Variants in USP45 observed in about 807,000 individuals in gnomAD.
USP45 encodes the protein ubiquitin carboxyl-terminal hydrolase 45.
USP45 carries 89 observed loss-of-function variants against 95.8 expected under a neutral mutation model. The ratio of observed to expected loss-of-function variants is 0.93; its 90% CI spans 0.78 to 1.11. USP45 has a LOEUF of 1.11. Among genes scored for constraint, USP45 ranks in the 50% least tolerant of loss-of-function variants. The pLI is 0.00. For synonymous variants in USP45, 281 were observed against 316.2 expected (o/e 0.89, Z 1.18); for missense variants, 898 against 942.5 (o/e 0.95, Z 0.62).
At chr6:99,445,745 T>A in intron 14 of USP45, 52 bp downstream of exon 14, 4 of 1,316,410 alleles carry the variant, frequency 3.0e-6, no homozygotes, top group Non-Finnish European at 4.1e-6. Context: ...AATTTGTAAC[T>A]CACTAGACAC....
chr6:99,436,692 A>G (rs985939247), intron 17 of USP45, among the ~76,000 whole-genome samples: 34 of 152,232 alleles, frequency 2.2e-4, no homozygotes, highest in African/African-American at 8.0e-4. Flanking sequence ...ACTCCACTAT[A>G]ATACACAATG....
intron 13 of USP45, among the ~76,000 whole-genome samples, chr6:99,448,132 G>A (rs185537722): frequency 1.2e-4 from 19 of 152,282 alleles, no homozygotes; most frequent in East Asian, 5.8e-4. Context: ...AAATCAGAGC[G>A]CCTCTCCCCT....
intron 9 of USP45, among the ~76,000 whole-genome samples, chr6:99,470,156 T>C (rs1002711707): frequency 1.3e-5 from 2 of 152,182 alleles, no homozygotes; most frequent in Non-Finnish European, 2.9e-5. Flanking sequence ...ATGAGACTTA[T>C]GAATCAGAAA....
Position 99,508,798 on chromosome 6 carries a change from C to T in USP45, c.101-16G>A. 6.3e-7 allele frequency: 1 copy of T among 1,591,880 alleles called. No individual in the cohort carries two copies. Among genetic ancestry groups the T allele is most frequent in the South Asian group, 1.1e-5 (1 of 87,120 alleles). ...GTTAAACCTACTGAATAAGATAAAA[C>T]AAAATCTCAACATTTTCTTTGCTAC... On this transcript the variant is annotated splice_polypyrimidine_tract_variant and intron_variant, in intron 2 of 17. Coordinates refer to ENST00000500704, the MANE Select transcript of USP45 (RefSeq NM_001346022.3).
chr6:99,475,342 C>T (rs944028592), intron 9 of USP45, among the ~76,000 whole-genome samples: 4 of 131,934 alleles, frequency 3.0e-5, no homozygotes, highest in Non-Finnish European at 6.3e-5. Context: ...TTTTTTACAG[C>T]GTTTCACTCC....
intron 13 of USP45, among the ~76,000 whole-genome samples, chr6:99,448,395 C>A (rs1227581685): frequency 2.0e-5 from 3 of 152,154 alleles, no homozygotes; most frequent in Non-Finnish European, 4.4e-5. Context: ...GTGACAAATG[C>A]ACAAGCTTCA....
intron 13 of USP45, among the ~76,000 whole-genome samples, chr6:99,447,271 T>C (rs1306774896): frequency 6.6e-6 from 1 of 152,170 alleles, no homozygotes; most frequent in Admixed American, 6.5e-5. Context: ...TGGCTTGAAG[T>C]ACATTTTTCT....
At chr6:99,461,523 C>T in intron 13 of USP45, 2 of 985,336 alleles carry the variant, frequency 2.0e-6, no homozygotes, top group Non-Finnish European at 2.4e-6. Context: ...GATTATTTGC[C>T]TGTTATCAGT....
chr6:99,476,352 T>A, intron 8 of USP45, 122 bp from the exon 9 acceptor site: 1 of 934,382 alleles, frequency 1.1e-6, no homozygotes, highest in Non-Finnish European at 1.6e-6. Flanking sequence ...CCTACGCCTG[T>A]AATCCCAGCA....
intron 5 of USP45, among the ~76,000 whole-genome samples, chr6:99,495,380 A>C (rs1164318539): frequency 1.3e-5 from 2 of 152,226 alleles, no homozygotes; most frequent in African/African-American, 2.4e-5. Context: ...GTTAAACCAA[A>C]AGTGGGGAAC....
At chr6:99,435,944 A>C in intron 17 of USP45, 98 bp from the exon 18 acceptor site, 5 of 1,243,874 alleles carry the variant, frequency 4.0e-6, no homozygotes, top group Non-Finnish European at 5.4e-6. Context: ...ACTCTATCTA[A>C]TGCCAAATTT....
intron 5 of USP45, among the ~76,000 whole-genome samples, chr6:99,498,040 G>A (rs779616105): frequency 1.3e-5 from 2 of 152,064 alleles, no homozygotes; most frequent in African/African-American, 2.4e-5. Flanking sequence ...ACGGTCCCTC[G>A]TACTTGCTCC....
chr6:99,500,558 TA>T (rs557306959), intron 5 of USP45, among the ~76,000 whole-genome samples: 2 of 149,880 alleles, frequency 1.3e-5, no homozygotes, highest in African/African-American at 2.4e-5. Flanking sequence ...ATCTCTAAGG[TA>T]AAAAAAAAAT....
Position 99,504,838 on chromosome 6 carries a change from AC to A in USP45, c.378-974del, listed in dbSNP as rs1462473334. Among the ~76,000 whole-genome samples the A allele has an allele frequency of 7.2e-5, 11 of 152,322 alleles. No homozygotes were observed. The East Asian group carries it at 2.1e-3, about 29-fold the overall frequency. On this transcript the variant is annotated intron_variant, in intron 4 of 17. Transcript: ENST00000500704. ...GGCCAGGGATGCTGGTAAACATCCAACAACGTACAGAACAGCACAGCAAGGA... is the reference window on the plus strand; with the variant it reads ...GGCCAGGGATGCTGGTAAACATCCAAAACGTACAGAACAGCACAGCAAGGA...
chr6:99,436,947 A>G (rs1351773384), intron 17 of USP45, among the ~76,000 whole-genome samples: 1 of 152,186 alleles, frequency 6.6e-6, no homozygotes, highest in African/African-American at 2.4e-5. Context: ...TAAAAATATA[A>G]AAAATTAGTC....
chr6:99,447,142 G>A (rs886915613), intron 13 of USP45, among the ~76,000 whole-genome samples: 24 of 152,126 alleles, frequency 1.6e-4, no homozygotes, highest in African/African-American at 5.8e-4. Context: ...TTGCTTGGTT[G>A]CCATAGATCT....
intron 15 of USP45, among the ~76,000 whole-genome samples, chr6:99,440,870 CTG>C (rs1054587122): frequency 7.2e-5 from 11 of 152,132 alleles, no homozygotes; most frequent in Admixed American, 2.6e-4. Flanking sequence ...CCAGCACTGT[CTG>C]AGATCATTTC....
intron 13 of USP45, among the ~76,000 whole-genome samples, chr6:99,448,216 GA>G (rs1481257345): frequency 2.6e-5 from 4 of 152,228 alleles, no homozygotes; most frequent in Non-Finnish European, 5.9e-5. Context: ...GTTGAGAGAA[GA>G]AGGCTTCAGA....
chr6:99,455,873 A>G (rs12529031), intron 13 of USP45, among the ~76,000 whole-genome samples: 21,049 of 146,294 alleles, frequency 0.14, 2,213 homozygotes, highest in Non-Finnish European at 0.21. Flanking sequence ...AGTGGCTCAC[A>G]CCTGTAATCC....
Sources: gnomAD v4.1 joint callset for allele counts (sites outside exome capture counted in the v4.1 genomes callset) on GRCh38, gnomAD v4.1.1 for gene constraint, MANE v1.5 for transcripts, NCBI Gene and HGNC (gene_info 2026-07-23, HGNC 2026-07-21) for gene names.